The following FIBCD1 variants were observed in gnomAD, a reference collection of about 807,000 sequenced individuals.
FIBCD1 encodes fibrinogen C domain-containing protein 1.
FIBCD1 carries 47 observed loss-of-function variants against 45.1 expected under a neutral mutation model. That is an observed-to-expected ratio of 1.04 (90% CI 0.82 to 1.33). The LOEUF (loss-of-function observed/expected upper bound fraction) is 1.33, where lower values mean the gene tolerates loss of function less well. Ranked by LOEUF, FIBCD1 falls within the 40% of genes most tolerant of loss-of-function variation. The pLI is 0.00. For missense variants in FIBCD1, 653 were observed against 682.2 expected (o/e 0.96, Z 0.48); for synonymous variants, 313 against 308.1 (o/e 1.02, Z -0.17).
rs1831879577 is a variant in FIBCD1 at position 130,904,009 on chromosome 9, G to A, written c.*55C>T. ...GAGAACATTCACGAAAGAGTGAGGT[G>A]GGGTCGGGGATGGGGCGACAGGGAC... is the stretch of plus-strand genomic sequence containing the variant. On this transcript the variant is annotated 3_prime_UTR_variant, in exon 7 of 7. Transcript: ENST00000372338. The A allele has an allele frequency of 6.3e-7, 1 of 1,586,718 alleles. No homozygotes were observed. Among genetic ancestry groups the A allele is most frequent in the East Asian group, 2.3e-5 (1 of 43,548 alleles).
In FIBCD1 at chr9:130,938,549, C is replaced by A. The variant is rs367786750; in HGVS notation, c.59G>T (p.Arg20Leu). 1.0e-5 allele frequency: 15 copies of A among 1,489,940 alleles called. No individual in the cohort carries two copies. The highest frequency in any genetic ancestry group is 6.3e-5 in the South Asian group (5 of 79,388). 92.3% of individuals were successfully genotyped at this position (1,489,940 alleles called of 1,614,324 possible). A position where few individuals can be genotyped will look rare whatever the true frequency, so the allele number is the denominator to read the frequency against. ...GGAAQLEDRP[R>L]DKPQRPSCGY... ...GCCCGAGCGTACCTGCGGCTTGTCG[C>A]GCGGCCGGTCCTCAAGTTGGGCAGC... Residue 20 changes from arginine to leucine, a missense_variant, in exon 1 of 7, where the codon CGC becomes CTC. Coordinates refer to ENST00000372338, the MANE Select transcript of FIBCD1 (RefSeq NM_032843.5).
At position 130,903,995 on chromosome 9, in the gene FIBCD1, CGAAA is replaced by C; in HGVS notation, c.*65_*68del. ...GGCACAGGTGGGTGGAGAACATTCA[CGAAA>C]GAGTGAGGTGGGGTCGGGGATGGGG... On this transcript the variant is annotated 3_prime_UTR_variant, in exon 7 of 7. Transcript: ENST00000372338. 1 of 1,566,762 alleles carries C rather than the reference CGAAA, an allele frequency of 6.4e-7. No homozygotes were observed. Among genetic ancestry groups the C allele is most frequent in the Non-Finnish European group, 8.7e-7 (1 of 1,154,728 alleles).
intron 1 of FIBCD1, among the ~76,000 whole-genome samples, chr9:130,935,553 T>C (rs1832505850): frequency 6.6e-6 from 1 of 152,108 alleles, no homozygotes; most frequent in Admixed American, 6.6e-5. Flanking sequence ...GCCCAAGGCG[T>C]TTCCCAGAAA....
chr9:130,940,663 C>T (rs1402361249), upstream of FIBCD1, among the ~76,000 whole-genome samples: 1 of 152,226 alleles, frequency 6.6e-6, no homozygotes, highest in African/African-American at 2.4e-5. Context: ...AAGGGCTCTG[C>T]CACAGTGCAT....
chr9:130,925,203 G>A (rs778685403), intron 2 of FIBCD1, among the ~76,000 whole-genome samples: 40 of 152,084 alleles, frequency 2.6e-4, no homozygotes, highest in Non-Finnish European at 5.3e-4. Flanking sequence ...CCCCCACCAC[G>A]CTGCAAAGAG....
rs1832365974 is a variant in FIBCD1, at chr9:130,926,594, T to A, written c.553-2198A>T. On this transcript the variant is annotated intron_variant, in intron 2 of 6. Transcript: ENST00000372338. The surrounding 1 kb of genome is among the most constrained non-coding windows in gnomAD (Gnocchi z 4.1). ...CAGCACTTTGGGAGGCCAAGTTGGG[T>A]GGATCACCTAAGGTCAGGAGTTTGA... 1.3e-5 allele frequency among the ~76,000 whole-genome samples: 2 copies of A among 151,906 alleles called. No individual in the cohort carries two copies. The highest frequency in any genetic ancestry group is 2.9e-5 in the Non-Finnish European group (2 of 67,978).
At chr9:130,919,382 C>T (rs527892116) in intron 4 of FIBCD1, among the ~76,000 whole-genome samples, 56 of 152,318 alleles carry the variant, frequency 3.7e-4, no homozygotes, top group Non-Finnish European at 7.9e-4. Flanking sequence ...GATCCCCTGC[C>T]ACCACTGCCT....
At chr9:130,916,239 G>A (rs563952932) in intron 4 of FIBCD1, among the ~76,000 whole-genome samples, 2 of 152,328 alleles carry the variant, frequency 1.3e-5, no homozygotes, top group South Asian at 4.1e-4. Context: ...TTAGTGCACT[G>A]ATATTTTCTA....
At position 130,923,879 on chromosome 9, in the gene FIBCD1, G is replaced by T. The variant is rs1251795752; in HGVS notation, c.714C>A (p.Gly238=). 1.2e-6 allele frequency: 2 copies of T among 1,612,308 alleles called. No individual in the cohort carries two copies. The highest frequency in any genetic ancestry group is 1.7e-5 in the Admixed American group (1 of 60,024). Residue 238 remains glycine (G), a splice_region_variant and synonymous_variant, in exon 4 of 7, where the codon GGC becomes GGA. Coordinates refer to ENST00000372338, the MANE Select transcript of FIBCD1 (RefSeq NM_032843.5). ...RGTRPRGCAT[G]SRPRDCLDVL... ...CGTCCAGACAGTCTCGGGGCCGGGA[G>T]CCTGAGGGAGGCAAGGCTGTCAGGG...
rs538234550 is a variant in FIBCD1, at chr9:130,905,325, G to C, written c.1035C>G (p.Ala345=). The C allele has an allele frequency of 6.2e-7, 1 of 1,613,938 alleles. No individual in the cohort carries two copies. Among genetic ancestry groups the C allele is most frequent in the Non-Finnish European group, 8.5e-7 (1 of 1,180,008 alleles). ...LEDFENGTAY[A]RYGSFGVGLF... is the part of the protein sequence containing the mutation. The stretch of plus-strand genomic sequence containing the variant: ...AGCCCACGCCGAAGCTCCCGTAGCG[G>C]GCATAGGCCGTGCCATTCTCAAAGT... Residue 345 remains alanine (A), a synonymous_variant, in exon 6 of 7, where the codon GCC becomes GCG. Coordinates refer to ENST00000372338, the MANE Select transcript of FIBCD1 (RefSeq NM_032843.5).
At chr9:130,905,196 G>GC (rs773475626) in intron 6 of FIBCD1, 38 bp downstream of exon 6, 2 of 1,585,188 alleles carry the variant, frequency 1.3e-6, no homozygotes, top group Non-Finnish European at 1.7e-6. Context: ...CTCCCAGGCC[G>GC]CCCCCCTTCC....
intron 4 of FIBCD1, among the ~76,000 whole-genome samples, chr9:130,915,520 C>T (rs972087533): frequency 3.9e-5 from 6 of 152,000 alleles, no homozygotes; most frequent in East Asian, 1.9e-4. Context: ...CTGGCCAACA[C>T]GGTGAAACCC....
At chr9:130,929,336 G>A (rs760005940) in intron 2 of FIBCD1, among the ~76,000 whole-genome samples, 7 of 152,308 alleles carry the variant, frequency 4.6e-5, no homozygotes, top group East Asian at 1.9e-4. Flanking sequence ...CCGGGTCACC[G>A]GGAAAGAAAC....
In FIBCD1 at chr9:130,903,972, C is replaced by T; in HGVS notation, c.*92G>A. 1 of 1,522,186 alleles carries T rather than the reference C, an allele frequency of 6.6e-7. No individual in the cohort carries two copies. The highest frequency in any genetic ancestry group is 8.9e-7 in the Non-Finnish European group (1 of 1,120,122). The allele number at this position is 1,522,186 out of a possible 1,614,324, so 94.3% of individuals were successfully genotyped here. A position where few individuals can be genotyped will look rare whatever the true frequency, so the allele number is the denominator to read the frequency against. On this transcript the variant is annotated 3_prime_UTR_variant, in exon 7 of 7. Coordinates refer to ENST00000372338, the MANE Select transcript of FIBCD1 (RefSeq NM_032843.5). ...CCTACTGGAGAGTGGGTCCGCCAGG[C>T]ACAGGTGGGTGGAGAACATTCACGA...
intron 2 of FIBCD1, among the ~76,000 whole-genome samples, chr9:130,925,129 C>T (rs900546934): frequency 6.6e-6 from 1 of 152,166 alleles, no homozygotes; most frequent in Non-Finnish European, 1.5e-5. Flanking sequence ...GTCCCACCCC[C>T]ACTCCCCATG....
chr9:130,907,356 G>A (rs1243333915), intron 5 of FIBCD1, among the ~76,000 whole-genome samples: 1 of 152,166 alleles, frequency 6.6e-6, no homozygotes, highest in African/African-American at 2.4e-5. Flanking sequence ...TTGCTCTTTG[G>A]CTTTCTCCAG....
intron 4 of FIBCD1, among the ~76,000 whole-genome samples, chr9:130,915,425 A>G (rs1056076714): frequency 1.3e-5 from 2 of 152,214 alleles, no homozygotes; most frequent in Admixed American, 1.3e-4. Context: ...GCAATTGGCC[A>G]GGAGCGGTGG....
upstream of FIBCD1, among the ~76,000 whole-genome samples, chr9:130,940,103 A>T (rs1588116188): frequency 6.6e-6 from 1 of 151,422 alleles, no homozygotes; most frequent in Non-Finnish European, 1.5e-5. Context: ...TCTCTCCCCC[A>T]CTGGCTGCCA....
At chr9:130,937,274 C>T (rs938281974) in intron 1 of FIBCD1, among the ~76,000 whole-genome samples, 1 of 152,116 alleles carries the variant, frequency 6.6e-6, no homozygotes, top group African/African-American at 2.4e-5. Context: ...GCGACCACCC[C>T]GGAGAAGCAG....
Sources: gnomAD v4.1 joint callset for allele counts (sites outside exome capture counted in the v4.1 genomes callset) on GRCh38, gnomAD v4.1.1 for gene constraint, Gnocchi (gnomAD v3.1) non-coding constraint, MANE v1.5 for transcripts, NCBI Gene and HGNC (gene_info 2026-07-23, HGNC 2026-07-21) for gene names.